Variants in NRXN3 observed in about 807,000 individuals in gnomAD.
NRXN3 encodes the protein neurexin 3.
NRXN3 carries 32 observed loss-of-function variants against 137.6 expected under a neutral mutation model. The ratio of observed to expected loss-of-function variants is 0.23; its 90% CI spans 0.18 to 0.31. NRXN3 has a LOEUF of 0.31. NRXN3 is among the 10% of genes least tolerant of loss of function. The probability of loss-of-function intolerance (pLI) is 1.00; values close to 1 mark genes in which losing one functional copy is unlikely to be tolerated. For synonymous variants in NRXN3, 798 were observed against 784.5 expected, an observed-to-expected ratio of 1.02 and a Z score of -0.29; for missense variants, 1,574 against 2,062.5, an observed-to-expected ratio of 0.76 and a Z score of 4.59.
At chr14:79,859,499 A>G (rs1038784007) in intron 20 of NRXN3, among the ~76,000 whole-genome samples, 4 of 152,198 alleles carry the variant, frequency 2.6e-5, no homozygotes, top group Non-Finnish European at 4.4e-5. Flanking sequence ...TGCATTCAAA[A>G]GGAGAGTTTT....
intron 2 of NRXN3, among the ~76,000 whole-genome samples, chr14:78,253,681 A>G (rs2069014388): frequency 6.6e-6 from 1 of 152,140 alleles, no homozygotes; most frequent in Non-Finnish European, 1.5e-5. Flanking sequence ...CTCAGAAAAA[A>G]AAAGAAAAAA....
At chr14:79,611,336 G>A (rs1305113941) in intron 16 of NRXN3, 1 of 152,180 alleles carries the variant, frequency 6.6e-6, no homozygotes, top group Non-Finnish European at 1.5e-5. Flanking sequence ...ATTTAATGTT[G>A]TGCCTGTAAT....
rs1566902446 is a variant in NRXN3, at chr14:79,358,613, G to GAAAGAAAGA, written c.3263-108605_3263-108597dup. ...AAAGAAAGAAAGAAAGAAAGAGAAA[G>GAAAGAAAGA]AAAGAAAGAAAGAAAGAAAGAAAGA... On this transcript the variant is annotated intron_variant, in intron 15 of 20. Transcript: ENST00000335750. Among the ~76,000 whole-genome samples the GAAAGAAAGA allele has an allele frequency of 4.6e-5, 6 of 129,160 alleles. No homozygotes were observed. In the East Asian group the frequency reaches 1.5e-3, roughly 33 times the overall value. 84.7% of individuals were successfully genotyped at this position (129,160 alleles called of 152,430 possible).
intron 16 of NRXN3, among the ~76,000 whole-genome samples, chr14:79,645,711 G>T (rs1266389759): frequency 7.4e-6 from 1 of 135,064 alleles, no homozygotes; most frequent in Non-Finnish European, 1.7e-5. Flanking sequence ...TAAAGAAGTG[G>T]CTAGACTAAT....
At chr14:78,269,359 G>A (rs1056343661) in intron 2 of NRXN3, among the ~76,000 whole-genome samples, 2 of 152,190 alleles carry the variant, frequency 1.3e-5, no homozygotes, top group African/African-American at 2.4e-5. Context: ...CAAACACTGT[G>A]TGATTCCACT....
At chr14:79,780,405 CCTGGCTAACACAG>C (rs1291572927) in intron 19 of NRXN3, among the ~76,000 whole-genome samples, 3 of 151,742 alleles carry the variant, frequency 2.0e-5, no homozygotes, top group Non-Finnish European at 4.4e-5. Context: ...TCGAGACCAT[CCTGGCTAACACAG>C]TGAAACCCGG....
intron 4 of NRXN3, among the ~76,000 whole-genome samples, chr14:78,512,380 G>A (rs1199681851): frequency 6.6e-6 from 1 of 152,162 alleles, no homozygotes; most frequent in Non-Finnish European, 1.5e-5. Flanking sequence ...CAATTGAGGA[G>A]TTTATGTGAG....
At chr14:78,512,609 C>T (rs2096129638) in intron 4 of NRXN3, among the ~76,000 whole-genome samples, 1 of 152,166 alleles carries the variant, frequency 6.6e-6, no homozygotes, top group Admixed American at 6.5e-5. Context: ...CAGAGTGTAA[C>T]AACTTTCCAG....
chr14:78,252,916 G>A (rs947068792), intron 2 of NRXN3, among the ~76,000 whole-genome samples: 3 of 152,222 alleles, frequency 2.0e-5, no homozygotes, highest in African/African-American at 7.2e-5. Context: ...CATGGGGAAA[G>A]GGCTGGACAG....
chr14:79,547,749 A>T (rs1378573804), intron 16 of NRXN3, among the ~76,000 whole-genome samples: 5 of 152,354 alleles, frequency 3.3e-5, no homozygotes, highest in Admixed American at 2.0e-4. Context: ...TGGGAGGCTT[A>T]TAAATTTCCT....
In NRXN3 at chr14:79,635,885, G is replaced by C. The variant is rs148478226; in HGVS notation, c.3445-27893G>C. ...CAGGAGATAGAAGTGCAGACCAAAG[G>C]GGGGAAATGGCCCTTATGGAACCAT... is the stretch of plus-strand genomic sequence containing the variant. On this transcript the variant is annotated intron_variant, in intron 16 of 20. Coordinates refer to ENST00000335750, the MANE Select transcript of NRXN3 (RefSeq NM_001330195.2). Among the ~76,000 whole-genome samples the C allele has an allele frequency of 2.6e-3, 391 of 152,162 alleles. 1 individual carries two copies. The highest frequency in any genetic ancestry group is 8.7e-3 in the African/African-American group (363 of 41,516).
chr14:79,242,076 A>T (rs1175779983), intron 15 of NRXN3, among the ~76,000 whole-genome samples: 1 of 151,974 alleles, frequency 6.6e-6, no homozygotes, highest in Non-Finnish European at 1.5e-5. Context: ...CAGAAAAAAA[A>T]AAATTAAATG....
At chr14:79,157,550 G>A (rs1476993180) in intron 15 of NRXN3, among the ~76,000 whole-genome samples, 1 of 151,816 alleles carries the variant, frequency 6.6e-6, no homozygotes, top group Non-Finnish European at 1.5e-5. Context: ...ATCTTGGCAT[G>A]TCCTGTCATG....
At chr14:79,034,529 G>T (rs1372479717) in intron 15 of NRXN3, among the ~76,000 whole-genome samples, 3 of 152,134 alleles carry the variant, frequency 2.0e-5, no homozygotes, top group Admixed American at 6.6e-5. Context: ...AGTGGCATCT[G>T]CCCTTGCTCC....
At chr14:79,181,820 G>A (rs1177158162) in intron 15 of NRXN3, among the ~76,000 whole-genome samples, 1 of 151,766 alleles carries the variant, frequency 6.6e-6, no homozygotes, top group Non-Finnish European at 1.5e-5. Flanking sequence ...GCCATCATAA[G>A]CGCTTTAAGG....
At chr14:78,990,119 C>A (rs561884943) in intron 15 of NRXN3, among the ~76,000 whole-genome samples, 6 of 152,162 alleles carry the variant, frequency 3.9e-5, no homozygotes, top group Non-Finnish European at 8.8e-5. Flanking sequence ...GGGAAAATGT[C>A]AGCTTTCCTT....
At chr14:79,165,547 A>G (rs1645221044) in intron 15 of NRXN3, among the ~76,000 whole-genome samples, 1 of 152,046 alleles carries the variant, frequency 6.6e-6, no homozygotes, top group Non-Finnish European at 1.5e-5. Context: ...ATCTATGCAG[A>G]CACACACAAT....
chr14:79,024,635 C>G (rs540551507), intron 15 of NRXN3, among the ~76,000 whole-genome samples: 1 of 152,106 alleles, frequency 6.6e-6, no homozygotes, highest in African/African-American at 2.4e-5. Flanking sequence ...GTCTTTCTTG[C>G]TAGGATCTGT....
At chr14:78,462,050 C>T (rs886719932) in intron 4 of NRXN3, among the ~76,000 whole-genome samples, 1 of 152,152 alleles carries the variant, frequency 6.6e-6, no homozygotes, top group Non-Finnish European at 1.5e-5. Flanking sequence ...ATACTTTCCC[C>T]ATGGGCTTGA....
Sources: allele counts gnomAD v4.1 joint callset (sites outside exome capture counted in the v4.1 genomes callset), GRCh38; gene constraint gnomAD v4.1.1; transcripts MANE v1.5; gene names NCBI Gene and HGNC (gene_info 2026-07-23, HGNC 2026-07-21).